The following DLGAP2 variants were observed in gnomAD, a reference collection of about 807,000 sequenced individuals.
DLGAP2 encodes the protein disks large-associated protein 2.
DLGAP2 carries 26 observed loss-of-function variants against 100.3 expected under a neutral mutation model. The ratio of observed to expected loss-of-function variants is 0.26; its 90% CI spans 0.19 to 0.36. DLGAP2 has a LOEUF of 0.36. DLGAP2 is among the 10% of genes least tolerant of loss of function. DLGAP2 has a pLI of 1.00. For synonymous variants in DLGAP2, 886 were observed against 630.1 expected, an observed-to-expected ratio of 1.41 and a Z score of -6.08; for missense variants, 1,858 against 1,453.2, an observed-to-expected ratio of 1.28 and a Z score of -4.53.
At chr8:1,020,289 T>C (rs1394773757) in intron 2 of DLGAP2, among the ~76,000 whole-genome samples, 1 of 152,218 alleles carries the variant, frequency 6.6e-6, no homozygotes, top group Non-Finnish European at 1.5e-5. Context: ...TGACCGTTAA[T>C]TGCTAACCTG....
At chr8:1,361,246 A>C (rs140985691) in intron 3 of DLGAP2, among the ~76,000 whole-genome samples, 1 of 152,174 alleles carries the variant, frequency 6.6e-6, no homozygotes, top group East Asian at 1.9e-4. Context: ...TGACTCCCCA[A>C]GGACAGCAGA....
rs145109939 is a variant in DLGAP2, at chr8:1,581,852, AC to A, written c.1442+15963del. 1.2e-3 allele frequency among the ~76,000 whole-genome samples: 183 copies of A among 151,166 alleles called. 1 individual carries two copies. The highest frequency in any genetic ancestry group is 3.4e-3 in the African/African-American group (140 of 41,084). On this transcript the variant is annotated intron_variant, in intron 6 of 14. Transcript: ENST00000637795. ...TACCAGAAGTGAAGGATACAGACAA[AC>A]CCCCACACATATATACACACCATAG...
chr8:788,950 C>G (rs1821951809), intron 1 of DLGAP2, among the ~76,000 whole-genome samples: 1 of 152,206 alleles, frequency 6.6e-6, no homozygotes, highest in Non-Finnish European at 1.5e-5. Flanking sequence ...CCTCAACCGT[C>G]AACACCAGAG....
At chr8:1,595,653 G>A (rs1340525529) in intron 6 of DLGAP2, among the ~76,000 whole-genome samples, 5 of 131,438 alleles carry the variant, frequency 3.8e-5, no homozygotes, top group African/African-American at 1.2e-4. Flanking sequence ...CCGCCTGGGC[G>A]ACAGAGCGAG....
intron 1 of DLGAP2, among the ~76,000 whole-genome samples, chr8:906,245 G>A (rs1584879844): frequency 1.3e-5 from 2 of 152,232 alleles, no homozygotes; most frequent in Admixed American, 6.5e-5. Flanking sequence ...TTAATGGGAC[G>A]TTGGCACAGA....
chr8:1,261,710 C>T (rs1231332104), intron 3 of DLGAP2, among the ~76,000 whole-genome samples: 1 of 152,196 alleles, frequency 6.6e-6, no homozygotes, highest in Non-Finnish European at 1.5e-5. Flanking sequence ...GTGGCGAGGT[C>T]TCAGCTGTGC....
chr8:1,202,292 G>GTA (rs1253259210), intron 2 of DLGAP2, among the ~76,000 whole-genome samples: 2 of 102,910 alleles, frequency 1.9e-5, no homozygotes, highest in African/African-American at 1.1e-4. Flanking sequence ...CATGTATGTA[G>GTA]TATATGTGTG....
At chr8:924,768 G>A (rs895232978) in intron 2 of DLGAP2, among the ~76,000 whole-genome samples, 1 of 151,772 alleles carries the variant, frequency 6.6e-6, no homozygotes, top group African/African-American at 2.4e-5. Context: ...ATTTTTAGTA[G>A]ATACATGGGG....
intron 3 of DLGAP2, among the ~76,000 whole-genome samples, chr8:1,376,590 C>T (rs950178313): frequency 2.6e-5 from 4 of 152,160 alleles, no homozygotes; most frequent in Non-Finnish European, 5.9e-5. Flanking sequence ...AAGGGGGAGC[C>T]GGGTGGCAGT....
At chr8:751,567 A>T (rs1388684968) in intron 1 of DLGAP2, among the ~76,000 whole-genome samples, 5 of 151,858 alleles carry the variant, frequency 3.3e-5, no homozygotes, top group Non-Finnish European at 7.4e-5. Flanking sequence ...TAGTAAGTTC[A>T]TCTGACACTT....
chr8:1,417,903 T>C (rs73530761), intron 3 of DLGAP2, among the ~76,000 whole-genome samples: 9,225 of 152,330 alleles, frequency 0.061, 649 homozygotes, highest in African/African-American at 0.17. Flanking sequence ...AGGAGCCTTT[T>C]GCTCTGATAA....
chr8:1,501,276 T>A, intron 3 of DLGAP2, 90 bp from the exon 4 acceptor site: 1 of 1,333,570 alleles, frequency 7.5e-7, no homozygotes, highest in Non-Finnish European at 1.0e-6. Context: ...TTTGAACTGT[T>A]GAGTGTGGAG....
At chr8:1,258,622 A>G (rs1246058739) in intron 2 of DLGAP2, among the ~76,000 whole-genome samples, 1 of 152,194 alleles carries the variant, frequency 6.6e-6, no homozygotes, top group Non-Finnish European at 1.5e-5. Flanking sequence ...TTAATTCTCA[A>G]AAGTAAAAAT....
intron 2 of DLGAP2, among the ~76,000 whole-genome samples, chr8:1,139,842 G>T (rs1796490939): frequency 6.6e-6 from 1 of 152,020 alleles, no homozygotes; most frequent in South Asian, 2.1e-4. Flanking sequence ...CTCATAAGGG[G>T]TCTGTGGCGT....
chr8:1,519,009 G>A (rs919218288), intron 4 of DLGAP2, among the ~76,000 whole-genome samples: 3 of 152,160 alleles, frequency 2.0e-5, no homozygotes, highest in Admixed American at 1.3e-4. Context: ...AGCTAATTCC[G>A]AAATTTTGAG....
At chr8:1,491,077 C>CAAAAAAAAAAAAAAAAA (rs386411871) in intron 3 of DLGAP2, among the ~76,000 whole-genome samples, 3 of 64,502 alleles carry the variant, frequency 4.7e-5, no homozygotes, top group Admixed American at 2.0e-4. Context: ...AACTGGAAAC[C>CAAAAAAAAAAAAAAAAA]AAAAAAAAAA....
chr8:822,479 G>T (rs1020042038), intron 1 of DLGAP2, among the ~76,000 whole-genome samples: 1 of 152,184 alleles, frequency 6.6e-6, no homozygotes, highest in Non-Finnish European at 1.5e-5. Flanking sequence ...CTTCTCATGC[G>T]CACAGTGTTT....
chr8:815,509 G>T (rs1796459818), intron 1 of DLGAP2, among the ~76,000 whole-genome samples: 1 of 152,160 alleles, frequency 6.6e-6, no homozygotes. Flanking sequence ...TGGATACGTT[G>T]TATCACCTGC....
At chr8:942,377 G>C (rs1799217139) in intron 2 of DLGAP2, among the ~76,000 whole-genome samples, 1 of 152,220 alleles carries the variant, frequency 6.6e-6, no homozygotes, top group African/African-American at 2.4e-5. Context: ...ACTCACCTTA[G>C]AAATGTTGGG....
Sources: gnomAD v4.1 joint callset for allele counts (sites outside exome capture counted in the v4.1 genomes callset) on GRCh38, gnomAD v4.1.1 for gene constraint, MANE v1.5 for transcripts, NCBI Gene and HGNC (gene_info 2026-07-23, HGNC 2026-07-21) for gene names.